Variants in PRICKLE2 observed in about 807,000 individuals in gnomAD.
PRICKLE2 encodes the protein prickle-like protein 2.
In PRICKLE2, 21 loss-of-function variants were observed where a neutral mutation model predicts 81.4. The observed-to-expected ratio is 0.26, with a 90% CI of 0.18 to 0.37. The LOEUF (loss-of-function observed/expected upper bound fraction) is 0.37, where lower values mean the gene tolerates loss of function less well. Among genes scored for constraint, PRICKLE2 ranks in the 10% least tolerant of loss-of-function variants. The pLI, the probability that PRICKLE2 is intolerant of heterozygous loss-of-function variation, is 1.00. For missense variants in PRICKLE2, 940 were observed against 1,109.0 expected (o/e 0.85, Z 2.16); for synonymous variants, 456 against 421.5 (o/e 1.08, Z -1.00).
At chr3:64,220,485 G>A (rs2078934631) in intron 1 of PRICKLE2, among the ~76,000 whole-genome samples, 1 of 152,184 alleles carries the variant, frequency 6.6e-6, no homozygotes, top group African/African-American at 2.4e-5. Context: ...CATGTCCAAA[G>A]AGATAAAGAA....
intron 2 of PRICKLE2, among the ~76,000 whole-genome samples, chr3:64,252,695 G>C (rs190383187): frequency 1.3e-3 from 197 of 152,226 alleles, no homozygotes; most frequent in Non-Finnish European, 2.4e-3. Flanking sequence ...TGAAAGACTT[G>C]GTTTATGTAT....
intron 2 of PRICKLE2, among the ~76,000 whole-genome samples, chr3:64,234,837 T>C (rs1358576544): frequency 1.3e-5 from 2 of 152,202 alleles, no homozygotes. Flanking sequence ...ATTTTGATTA[T>C]GAGGTGTTTG....
chr3:64,151,917 T>A (rs2077553714), intron 6 of PRICKLE2, among the ~76,000 whole-genome samples: 2 of 152,154 alleles, frequency 1.3e-5, no homozygotes, highest in Admixed American at 1.3e-4. Flanking sequence ...TGCCATCACC[T>A]AAGCCCCCAG....
chr3:64,205,101 T>TAA (rs3056514), intron 1 of PRICKLE2, among the ~76,000 whole-genome samples: 3,115 of 142,740 alleles, frequency 0.022, 75 homozygotes, highest in African/African-American at 0.058. Flanking sequence ...AGGATTTCGT[T>TAA]AAAAAAAAAA....
At chr3:64,211,077 G>C (rs1237275268) in intron 1 of PRICKLE2, among the ~76,000 whole-genome samples, 1 of 152,162 alleles carries the variant, frequency 6.6e-6, no homozygotes, top group African/African-American at 2.4e-5. Flanking sequence ...TGAGAGTCAA[G>C]GAAGTAGGGG....
intron 7 of PRICKLE2, among the ~76,000 whole-genome samples, chr3:64,134,089 G>T (rs1261326793): frequency 6.6e-6 from 1 of 152,156 alleles, no homozygotes. Flanking sequence ...GCGGTGAAGT[G>T]CTCCACGCAT....
At position 64,098,911 on chromosome 3, in the gene PRICKLE2, T is replaced by G. The variant is rs1159329514; in HGVS notation, c.*140A>C. ...CTACCTATTGAGTCAACCTGTAACC[T>G]TGCCTCCATCTACTGACAGCATTTT... is the stretch of plus-strand genomic sequence containing the variant. On this transcript the variant is annotated 3_prime_UTR_variant, in exon 8 of 8. Transcript: ENST00000638394. 5 of 889,116 alleles carry G rather than the reference T, an allele frequency of 5.6e-6. No homozygotes were observed. The highest frequency in any genetic ancestry group is 1.8e-5 in the Admixed American group (1 of 54,266). 55.1% of individuals were successfully genotyped at this position (889,116 alleles called of 1,614,324 possible). A position where few individuals can be genotyped will look rare whatever the true frequency, so the allele number is the denominator to read the frequency against.
Position 64,147,128 on chromosome 3 carries a change from T to C in PRICKLE2, c.1362A>G (p.Ser454=). 1 of 1,614,204 alleles carries C rather than the reference T, an allele frequency of 6.2e-7. No homozygotes were observed. The highest frequency in any genetic ancestry group is 1.3e-5 in the African/African-American group (1 of 75,052). The part of the protein sequence containing the change: ...KHFSNPKRSS[S]LAMTGHAGSF... ...TGCCAGCATGTCCTGTCATGGCCAG[T>C]GACGAGCTCCTTTTGGGGTTGCTGA... The change falls in exon 7 of 8, where the codon TCA becomes TCG. Residue 454 remains serine, a synonymous_variant. Transcript: ENST00000638394. The surrounding 1 kb of genome is among the most constrained non-coding windows in gnomAD (Gnocchi z 5.0).
intron 2 of PRICKLE2, among the ~76,000 whole-genome samples, chr3:64,264,786 T>C (rs765002632): frequency 5.9e-5 from 9 of 152,152 alleles, no homozygotes; most frequent in Non-Finnish European, 1.2e-4. Context: ...GAAGCAACCT[T>C]TGAAAGATGT....
chr3:64,219,006 A>T (rs1454988219), intron 1 of PRICKLE2, among the ~76,000 whole-genome samples: 2 of 151,670 alleles, frequency 1.3e-5, no homozygotes, highest in African/African-American at 4.9e-5. Context: ...GCCCACTGAC[A>T]CCCCCTCTTC....
At chr3:64,163,902 A>T (rs1483722761) in intron 2 of PRICKLE2, 1 of 148,736 alleles carries the variant, frequency 6.7e-6, no homozygotes, top group South Asian at 2.2e-4. Context: ...ACTGGCTAAT[A>T]CAGAAGGTAT....
upstream of PRICKLE2, among the ~76,000 whole-genome samples, chr3:64,229,499 G>A (rs577211025): frequency 2.6e-5 from 4 of 152,240 alleles, no homozygotes; most frequent in Admixed American, 2.6e-4. Context: ...TTCCTCTTTA[G>A]GTCATTTAAA....
Position 64,098,662 on chromosome 3 carries a change from G to C in PRICKLE2, c.*389C>G, listed in dbSNP as rs1204716521. 4.4e-6 allele frequency: 1 copy of C among 228,942 alleles called. No homozygotes were observed. Among genetic ancestry groups the C allele is most frequent in the Admixed American group, 5.1e-5 (1 of 19,472 alleles). 14.2% of individuals were successfully genotyped at this position (228,942 alleles called of 1,614,324 possible). On this transcript the variant is annotated 3_prime_UTR_variant, in exon 8 of 8. Coordinates refer to ENST00000638394, the MANE Select transcript of PRICKLE2 (RefSeq NM_198859.4). ...TTACAATGGACATGTAAATAACTTAGTCTTGGGTCCTGGCTAATAAACAAA... is the reference window on the plus strand; with the variant it reads ...TTACAATGGACATGTAAATAACTTACTCTTGGGTCCTGGCTAATAAACAAA...
At chr3:64,122,312 C>A (rs1011766522) in intron 7 of PRICKLE2, among the ~76,000 whole-genome samples, 2 of 152,102 alleles carry the variant, frequency 1.3e-5, no homozygotes, top group Non-Finnish European at 2.9e-5. Context: ...ACTAGCCCAC[C>A]CTTTGCCCCC....
Position 64,153,321 on chromosome 3 carries a change from G to A in PRICKLE2, c.648C>T (p.His216=), listed in dbSNP as rs1470526814. The A allele has an allele frequency of 1.2e-6, 2 of 1,614,044 alleles. No homozygotes were observed. The highest frequency in any genetic ancestry group is 1.7e-6 in the Non-Finnish European group (2 of 1,180,036). Residue 216 remains histidine, a synonymous_variant, in exon 6 of 8, where the codon CAC becomes CAT. Coordinates refer to ENST00000638394, the MANE Select transcript of PRICKLE2 (RefSeq NM_198859.4). ...ACTCGAAGCAGCAAAAGTGTTTCAT[G>A]TGCCAGTGTCGCCCCTCAGCTTCTG... ...ECTEAEGRHW[H]MKHFCCFECE...
intron 1 of PRICKLE2, among the ~76,000 whole-genome samples, chr3:64,203,660 G>A (rs569152713): frequency 9.9e-5 from 15 of 152,124 alleles, no homozygotes; most frequent in Admixed American, 8.5e-4. Flanking sequence ...AATGAGCATC[G>A]ACAAGTAGAA....
At chr3:64,199,450 T>A (rs696019) in intron 1 of PRICKLE2, 54,839 of 160,244 alleles carry the variant, frequency 0.34, 10,328 homozygotes, top group East Asian at 0.67. Context: ...AAAATGGTTT[T>A]AAAAATGCAG....
intron 5 of PRICKLE2, among the ~76,000 whole-genome samples, chr3:64,156,222 C>T (rs995242263): frequency 5.9e-5 from 9 of 152,140 alleles, no homozygotes; most frequent in Non-Finnish European, 1.0e-4. Context: ...CAGAACATCA[C>T]CATTAGTGTT....
chr3:64,135,089 G>A (rs2077257880), intron 7 of PRICKLE2, among the ~76,000 whole-genome samples: 1 of 152,160 alleles, frequency 6.6e-6, no homozygotes, highest in East Asian at 1.9e-4. Flanking sequence ...AGGTGTTCTT[G>A]GACTGATAAC....
Sources: allele counts gnomAD v4.1 joint callset (sites outside exome capture counted in the v4.1 genomes callset), GRCh38; gene constraint gnomAD v4.1.1; non-coding constraint Gnocchi (gnomAD v3.1); transcripts MANE v1.5; gene names NCBI Gene and HGNC (gene_info 2026-07-23, HGNC 2026-07-21).